PTPN2: variants seen among roughly 807,000 people sequenced by gnomAD.
PTPN2 encodes the protein tyrosine-protein phosphatase non-receptor type 2.
In PTPN2, 19 loss-of-function variants were observed where a neutral mutation model predicts 57.3. The ratio of observed to expected loss-of-function variants is 0.33; its 90% confidence interval spans 0.23 to 0.49. The LOEUF is 0.49. PTPN2 is among the 20% of genes least tolerant of loss of function. The probability of loss-of-function intolerance (pLI) is 0.99; values close to 1 mark genes in which losing one functional copy is unlikely to be tolerated. For missense variants in PTPN2, 358 were observed against 501.1 expected (o/e 0.71, Z 2.73); for synonymous variants, 153 against 164.9 (o/e 0.93, Z 0.55).
chr18:12,841,098 T>A, intron 2 of PTPN2: 1 of 839,276 alleles, frequency 1.2e-6, no homozygotes, highest in Non-Finnish European at 1.7e-6. Context: ...TGAGTACTGA[T>A]ACTTTATTGC....
intron 2 of PTPN2, among the ~76,000 whole-genome samples, chr18:12,855,224 T>C (rs768878717): frequency 3.9e-5 from 6 of 152,140 alleles, no homozygotes; most frequent in Non-Finnish European, 7.3e-5. Context: ...AAATGGCACA[T>C]TGATTCTTTT....
intron 4 of PTPN2, among the ~76,000 whole-genome samples, chr18:12,827,788 G>C (rs949742750): frequency 1.3e-5 from 2 of 152,024 alleles, no homozygotes; most frequent in Non-Finnish European, 2.9e-5. Flanking sequence ...TCCAACATAC[G>C]TATAATAGGA....
chr18:12,879,407 C>T (rs898069567), intron 1 of PTPN2, among the ~76,000 whole-genome samples: 2 of 152,170 alleles, frequency 1.3e-5, no homozygotes, highest in African/African-American at 4.8e-5. Flanking sequence ...TTTCAACCTC[C>T]ACCTCTCTCT....
At chr18:12,829,890 T>G (rs2042609079) in intron 4 of PTPN2, among the ~76,000 whole-genome samples, 1 of 152,136 alleles carries the variant, frequency 6.6e-6, no homozygotes, top group Admixed American at 6.6e-5. Flanking sequence ...GAATAACACA[T>G]TACCCACCAC....
At chr18:12,807,673 GA>G (rs2041733744) in intron 7 of PTPN2, among the ~76,000 whole-genome samples, 1 of 143,942 alleles carries the variant, frequency 6.9e-6, no homozygotes, top group African/African-American at 2.5e-5. Context: ...GATGAAACTG[GA>G]GGACATTAAG....
At chr18:12,842,460 C>A (rs1381822470) in intron 2 of PTPN2, among the ~76,000 whole-genome samples, 1 of 152,118 alleles carries the variant, frequency 6.6e-6, no homozygotes, top group African/African-American at 2.4e-5. Context: ...GGGAGAGGGG[C>A]AGGTTGCAAT....
chr18:12,815,133 T>TAAATAAAA (rs942733377), intron 6 of PTPN2, among the ~76,000 whole-genome samples: 3,261 of 140,318 alleles, frequency 0.023, 64 homozygotes, highest in Non-Finnish European at 0.037. Context: ...AATAAATAAA[T>TAAATAAAA]AAAAATGTGG....
At chr18:12,807,586 A>ATATATATATATATAT (rs1555660749) in intron 7 of PTPN2, among the ~76,000 whole-genome samples, 5 of 35,198 alleles carry the variant, frequency 1.4e-4, no homozygotes, top group African/African-American at 3.5e-4. Flanking sequence ...AAAAAAAAAA[A>ATATATATATATATAT]ATATATATAT....
chr18:12,853,637 G>A (rs112128403), intron 2 of PTPN2, among the ~76,000 whole-genome samples: 1 of 152,180 alleles, frequency 6.6e-6, no homozygotes, highest in Non-Finnish European at 1.5e-5. Context: ...CTTTGATTGA[G>A]ATGGGTCAGA....
chr18:12,814,389 T>C (rs763247026), intron 6 of PTPN2, 34 bp from the exon 7 acceptor site: 38 of 1,543,878 alleles, frequency 2.5e-5, no homozygotes, highest in Non-Finnish European at 3.1e-5. Flanking sequence ...ACAAGTCTTG[T>C]TATTGGAACC....
rs527556084 is a variant in PTPN2, at chr18:12,798,408, C to T, written c.1040+3562G>A. On this transcript the variant is annotated intron_variant, in intron 8 of 8. Coordinates refer to ENST00000309660, the MANE Select transcript of PTPN2 (RefSeq NM_002828.4). ...TATTTTTCCTGATTGTCCCCCTCCT[C>T]CCACCCTCCATCCTCCGACAGGCCC... Among the ~76,000 whole-genome samples, 9 of 152,164 alleles carry T rather than the reference C, an allele frequency of 5.9e-5. No individual in the cohort carries two copies. The East Asian group carries it at 1.4e-3, about 23-fold the overall frequency.
chr18:12,831,152 G>A (rs2042655207), intron 3 of PTPN2, 111 bp from the exon 4 acceptor site: 9 of 622,898 alleles, frequency 1.4e-5, no homozygotes, highest in Middle Eastern at 2.7e-4. Flanking sequence ...GACAGCGGAC[G>A]GGCTTATAAG....
At chr18:12,836,918 A>G (rs2042884973) in intron 2 of PTPN2, 27 bp from the exon 3 acceptor site, 1 of 1,358,456 alleles carries the variant, frequency 7.4e-7, no homozygotes, top group Non-Finnish European at 1.0e-6. Flanking sequence ...ATAAACCACA[A>G]CTGTCATTTC....
At chr18:12,819,414 AT>A in intron 5 of PTPN2, 1 of 403,240 alleles carries the variant, frequency 2.5e-6, no homozygotes, top group Non-Finnish European at 4.4e-6. Context: ...ATACTATTCC[AT>A]TTTTATGACA....
chr18:12,804,560 A>C (rs2041569272), intron 7 of PTPN2, among the ~76,000 whole-genome samples: 1 of 151,990 alleles, frequency 6.6e-6, no homozygotes, highest in Non-Finnish European at 1.5e-5. Context: ...AGGAGATATT[A>C]CAACTAATAC....
At chr18:12,794,886 G>A (rs1366576410) in intron 8 of PTPN2, among the ~76,000 whole-genome samples, 2 of 152,162 alleles carry the variant, frequency 1.3e-5, no homozygotes, top group African/African-American at 4.8e-5. Context: ...GCCTCCCAAA[G>A]TCCTGAGATT....
At chr18:12,883,141 T>G (rs1395707420) in intron 1 of PTPN2, among the ~76,000 whole-genome samples, 1 of 152,148 alleles carries the variant, frequency 6.6e-6, no homozygotes, top group Non-Finnish European at 1.5e-5. Context: ...GAGGGCACTT[T>G]CTCAGGGCAA....
chr18:12,813,472 A>G (rs1598766711), intron 7 of PTPN2, among the ~76,000 whole-genome samples: 1 of 152,204 alleles, frequency 6.6e-6, no homozygotes. Context: ...CTTTATTCTG[A>G]CACCAATGGT....
chr18:12,829,278 G>A (rs1042045573), intron 4 of PTPN2, among the ~76,000 whole-genome samples: 3 of 152,124 alleles, frequency 2.0e-5, no homozygotes, highest in Non-Finnish European at 2.9e-5. Context: ...CACTTTGGGA[G>A]GCCGAGGTGG....
Sources: allele counts gnomAD v4.1 joint callset (sites outside exome capture counted in the v4.1 genomes callset), GRCh38; gene constraint gnomAD v4.1.1; transcripts MANE v1.5; gene names NCBI Gene and HGNC (gene_info 2026-07-23, HGNC 2026-07-21).